DUSP10: variants seen among roughly 807,000 people sequenced by gnomAD.
DUSP10 encodes the protein dual specificity phosphatase 10, also known as dual specificity protein phosphatase 10.
Under a neutral mutation model 30.8 loss-of-function variants are expected in DUSP10, and 14 were observed. The ratio of observed to expected loss-of-function variants is 0.46; its 90% CI spans 0.30 to 0.71. The LOEUF (loss-of-function observed/expected upper bound fraction) is 0.71, where lower values mean the gene tolerates loss of function less well. Among genes scored for constraint, DUSP10 ranks in the 30% least tolerant of loss-of-function variants. DUSP10 has a pLI of 0.08. For synonymous variants in DUSP10, 254 were observed against 250.4 expected, an observed-to-expected ratio of 1.01 and a Z score of -0.14; for missense variants, 550 against 619.4, an observed-to-expected ratio of 0.89 and a Z score of 1.19.
In DUSP10 at chr1:221,739,653, T is replaced by C. The variant is rs766356356; in HGVS notation, c.92A>G (p.Tyr31Cys). 1 of 1,614,082 alleles carries C rather than the reference T, an allele frequency of 6.2e-7. No homozygotes were observed. The highest frequency in any genetic ancestry group is 8.5e-7 in the Non-Finnish European group (1 of 1,179,992). ...ACTGCCTGGGTTGGCAGAGCCAAGG[T>C]AACTAGAGTCTAAACAAAGGTTGAG... is the stretch of plus-strand genomic sequence containing the variant. ...QDLNLCLDSS[Y>C]LGSANPGSNS... The change falls in exon 2 of 4, where the codon TAC becomes TGC. Residue 31 changes from tyrosine (Y) to cysteine (C), a missense_variant. Transcript: ENST00000366899.
chr1:221,715,180 G>A (rs1230234765), intron 2 of DUSP10, among the ~76,000 whole-genome samples: 1 of 151,986 alleles, frequency 6.6e-6, no homozygotes, highest in East Asian at 1.9e-4. Flanking sequence ...AAAAATTATT[G>A]CCCACATATT....
intron 2 of DUSP10, among the ~76,000 whole-genome samples, chr1:221,736,205 TATGGC>T (rs1266971902): frequency 6.6e-6 from 1 of 151,762 alleles, no homozygotes; most frequent in Non-Finnish European, 1.5e-5. Context: ...AAATGGAGAG[TATGGC>T]ATGGAGACAG....
In DUSP10 at chr1:221,739,229, A is replaced by T; in HGVS notation, c.516T>A (p.Pro172=). Residue 172 remains proline (P), a synonymous_variant, in exon 2 of 4, where the codon CCT becomes CCA. Transcript: ENST00000366899. ...TGAAGGGCCTGCAGTCAATGATGAC[A>T]GGGCCCTGACTCGGCAGGTGACTCT... ...CSKSHLPSQG[P]VIIDCRPFME... is the part of the protein sequence containing the mutation. The T allele has an allele frequency of 6.2e-7, 1 of 1,614,212 alleles. No homozygotes were observed.
At chr1:221,738,813 A>C in intron 2 of DUSP10, 121 bp downstream of exon 2, 1 of 1,271,562 alleles carries the variant, frequency 7.9e-7, no homozygotes, top group Non-Finnish European at 1.1e-6. Context: ...AGGGAAGAGA[A>C]GAATAAAGTC....
intron 1 of DUSP10, among the ~76,000 whole-genome samples, chr1:221,740,458 A>G (rs1020690563): frequency 1.3e-5 from 2 of 152,154 alleles, no homozygotes; most frequent in Non-Finnish European, 2.9e-5. Context: ...TTATAAATTA[A>G]TCTGCATTTC....
intron 3 of DUSP10, among the ~76,000 whole-genome samples, chr1:221,703,689 G>C (rs1660675490): frequency 6.6e-6 from 1 of 152,168 alleles, no homozygotes; most frequent in Non-Finnish European, 1.5e-5. Flanking sequence ...CAGGACAATA[G>C]CATGTGGGCA....
At chr1:221,722,342 T>C (rs1365715559) in intron 2 of DUSP10, among the ~76,000 whole-genome samples, 4 of 152,132 alleles carry the variant, frequency 2.6e-5, no homozygotes, top group Non-Finnish European at 4.4e-5. Context: ...ACCTCTTCAG[T>C]TGGTTCTGAT....
At position 221,701,442 on chromosome 1, in the gene DUSP10, T is replaced by G. The variant is rs1464674413; in HGVS notation, c.*970A>C. ...TCCTAAACCAGTTTCATTTATATAA[T>G]GAAAATAAATTTTTACACAATCAAC... On this transcript the variant is annotated 3_prime_UTR_variant, in exon 4 of 4. Transcript: ENST00000366899. 1 of 150,892 alleles carries G rather than the reference T, an allele frequency of 6.6e-6. No individual in the cohort carries two copies. Among genetic ancestry groups the G allele is most frequent in the Non-Finnish European group, 1.5e-5 (1 of 67,744 alleles). 9.3% of individuals were successfully genotyped at this position (150,892 alleles called of 1,614,324 possible). A position where few individuals can be genotyped will look rare whatever the true frequency, so the allele number is the denominator to read the frequency against.
rs1304415562 is a variant in DUSP10, at chr1:221,731,603, T to TC, written c.811+7330_811+7331insG. Among the ~76,000 whole-genome samples, 617 of 122,018 alleles carry TC rather than the reference T, an allele frequency of 5.1e-3. 3 individuals are homozygous for TC. The East Asian group carries it at 0.052, about 10-fold the overall frequency. 80.0% of individuals were successfully genotyped at this position (122,018 alleles called of 152,430 possible). A position where few individuals can be genotyped will look rare whatever the true frequency, so the allele number is the denominator to read the frequency against. The stretch of plus-strand genomic sequence containing the variant: ...TTTAGAAAAGGCTAGGCTATTTCTT[T>TC]TTTTTTTTTTTTTTTTTTCTTTTTT... On this transcript the variant is annotated intron_variant, in intron 2 of 3. Coordinates refer to ENST00000366899, the MANE Select transcript of DUSP10 (RefSeq NM_007207.6).
Position 221,701,740 on chromosome 1 carries a change from C to T in DUSP10, c.*672G>A, listed in dbSNP as rs1258289268. ...GCACACTTAAAACATCATATTATTG[C>T]ACAAGAAGCCAGTGAAGGCATATAA... is the stretch of plus-strand genomic sequence containing the variant. On this transcript the variant is annotated 3_prime_UTR_variant, in exon 4 of 4. Coordinates refer to ENST00000366899, the MANE Select transcript of DUSP10 (RefSeq NM_007207.6). 1 of 151,386 alleles carries T rather than the reference C, an allele frequency of 6.6e-6. No individual in the cohort carries two copies. Among genetic ancestry groups the T allele is most frequent in the Non-Finnish European group, 1.5e-5 (1 of 67,900 alleles). The allele number at this position is 151,386 out of a possible 1,614,324, so 9.4% of individuals were successfully genotyped here. A position where few individuals can be genotyped will look rare whatever the true frequency, so the allele number is the denominator to read the frequency against.
intron 2 of DUSP10, chr1:221,737,491 T>C (rs1402191837): frequency 9.1e-6 from 9 of 984,520 alleles, no homozygotes; most frequent in East Asian, 2.3e-4. Flanking sequence ...CAGAGCTATA[T>C]GGAGGAAATC....
intron 2 of DUSP10, among the ~76,000 whole-genome samples, chr1:221,716,259 AAC>A (rs1227382060): frequency 6.6e-6 from 1 of 152,172 alleles, no homozygotes; most frequent in Admixed American, 6.5e-5. Context: ...CTGCCAGCCA[AAC>A]ACACAGTAAG....
chr1:221,716,283 G>A (rs2102627965), intron 2 of DUSP10, among the ~76,000 whole-genome samples: 1 of 152,136 alleles, frequency 6.6e-6, no homozygotes, highest in South Asian at 2.1e-4. Flanking sequence ...CTCTGCTAGT[G>A]CAGAGAATAC....
At chr1:221,709,854 C>CCT (rs1448330503) in intron 2 of DUSP10, among the ~76,000 whole-genome samples, 1 of 152,114 alleles carries the variant, frequency 6.6e-6, no homozygotes, top group Non-Finnish European at 1.5e-5. Context: ...CACCAGAGGC[C>CCT]AAAGTGACTG....
At position 221,702,310 on chromosome 1, in the gene DUSP10, T is replaced by C; in HGVS notation, c.*102A>G. The C allele has an allele frequency of 1.5e-6, 2 of 1,368,144 alleles. No individual in the cohort carries two copies. The highest frequency in any genetic ancestry group is 9.9e-7 in the Non-Finnish European group (1 of 1,007,316). 84.8% of individuals were successfully genotyped at this position (1,368,144 alleles called of 1,614,324 possible). A position where few individuals can be genotyped will look rare whatever the true frequency, so the allele number is the denominator to read the frequency against. ...AGTTTGTTTCCATTCACAAACTTACTCCCAACTACAAAAAAAAAAAGAAAG... is the reference window on the plus strand; with the variant it reads ...AGTTTGTTTCCATTCACAAACTTACCCCCAACTACAAAAAAAAAAAGAAAG... On this transcript the variant is annotated 3_prime_UTR_variant, in exon 4 of 4. Transcript: ENST00000366899. This position sits in a 1 kb window ranked among gnomAD's most constrained non-coding sequence, Gnocchi z 4.5.
intron 2 of DUSP10, among the ~76,000 whole-genome samples, chr1:221,709,751 T>G (rs903069390): frequency 6.6e-6 from 1 of 152,002 alleles, no homozygotes; most frequent in Non-Finnish European, 1.5e-5. Flanking sequence ...TGGGGAAGGG[T>G]TGAAATTGAA....
At chr1:221,719,310 A>G (rs533375023) in intron 2 of DUSP10, among the ~76,000 whole-genome samples, 5 of 152,330 alleles carry the variant, frequency 3.3e-5, no homozygotes, top group Admixed American at 3.3e-4. Flanking sequence ...GCTGAGTACT[A>G]AAGGATCAAC....
intron 2 of DUSP10, among the ~76,000 whole-genome samples, chr1:221,722,698 T>C (rs962367995): frequency 6.6e-6 from 1 of 152,190 alleles, no homozygotes; most frequent in Non-Finnish European, 1.5e-5. Flanking sequence ...CCCCAAGAGA[T>C]ACTCATAGGA....
chr1:221,741,366 TCA>T (rs1169555020), intron 1 of DUSP10, among the ~76,000 whole-genome samples: 1 of 152,114 alleles, frequency 6.6e-6, no homozygotes, highest in Non-Finnish European at 1.5e-5. Context: ...ATAAGCGTGT[TCA>T]CAGAGACACG....
Sources: gnomAD v4.1 joint callset for allele counts (sites outside exome capture counted in the v4.1 genomes callset) on GRCh38, gnomAD v4.1.1 for gene constraint, Gnocchi (gnomAD v3.1) non-coding constraint, MANE v1.5 for transcripts, NCBI Gene and HGNC (gene_info 2026-07-23, HGNC 2026-07-21) for gene names.